PUDP: variants seen among roughly 807,000 people sequenced by gnomAD.
The protein encoded by PUDP is pseudouridine 5'-phosphatase.
A neutral mutation model predicts 9.4 loss-of-function variants in PUDP; 8 were observed. That is an observed-to-expected ratio of 0.85 (90% CI 0.50 to 1.53). The LOEUF (loss-of-function observed/expected upper bound fraction) is 1.53. Ranked by LOEUF, PUDP falls within the 40% of genes most tolerant of loss-of-function variation. The pLI, the probability that PUDP is intolerant of heterozygous loss-of-function variation, is 0.00. For missense variants in PUDP, 188 were observed against 189.7 expected (o/e 0.99, Z 0.05); for synonymous variants, 99 against 80.7 (o/e 1.23, Z -1.22).
rs1602626691 is a variant in PUDP, at chrX:6,803,976, T to C, written c.*248-97510A>G. ...TAATTCGGGGTGGGGGGGATGTTTC[T>C]ATTAGTTTAATATTAAAGTTCATAT... On this transcript the variant is annotated intron_variant and NMD_transcript_variant, in intron 3 of 3. Transcript: ENST00000655425. 2.7e-5 allele frequency among the ~76,000 whole-genome samples: 3 copies of C among 111,722 alleles called. No homozygotes were observed. In the Admixed American group the frequency reaches 2.9e-4, roughly 11 times the overall value.
At chrX:7,083,339 G>C (rs763574739) in intron 2 of PUDP, among the ~76,000 whole-genome samples, 32 of 112,127 alleles carry the variant, frequency 2.9e-4, no homozygotes, top group South Asian at 1.5e-3. Flanking sequence ...TGACAATCCA[G>C]AGAAAAGTGG....
chrX:6,868,185 C>A (rs1049978940), intron 3 of PUDP, among the ~76,000 whole-genome samples: 1 of 111,550 alleles, frequency 9.0e-6, no homozygotes, highest in African/African-American at 3.3e-5. Context: ...CAAACAAGCA[C>A]ATTAGTGTAC....
intron 1 of PUDP, among the ~76,000 whole-genome samples, chrX:6,720,162 A>ATG (rs1342907527): frequency 3.0e-5 from 3 of 100,565 alleles, no homozygotes; most frequent in Non-Finnish European, 5.9e-5. Context: ...GTGTATATAT[A>ATG]TGTGTATATA....
intron 3 of PUDP, among the ~76,000 whole-genome samples, chrX:6,843,627 A>G (rs1926703896): frequency 9.0e-6 from 1 of 111,721 alleles, no homozygotes. Context: ...TCGATGAGCG[A>G]TGGAAGGTGC....
chrX:6,735,812 T>C (rs1454491942), intron 3 of PUDP, among the ~76,000 whole-genome samples: 4 of 110,789 alleles, frequency 3.6e-5, no homozygotes, highest in East Asian at 2.8e-4. Flanking sequence ...ATAGGGAGGA[T>C]TGCTTGAGCT....
chrX:7,128,395 G>T (rs1025902782), intron 1 of PUDP, among the ~76,000 whole-genome samples: 1 of 111,847 alleles, frequency 8.9e-6, no homozygotes, highest in Non-Finnish European at 1.9e-5. Flanking sequence ...TTAGGGAAAA[G>T]AAAGTTTTGA....
chrX:7,063,494 A>G (rs1930462823), intron 3 of PUDP, among the ~76,000 whole-genome samples: 1 of 111,884 alleles, frequency 8.9e-6, no homozygotes, highest in Non-Finnish European at 1.9e-5. Context: ...CTTGACTTTG[A>G]AATGCGTTCA....
At chrX:6,841,366 T>G (rs1483638788) in intron 3 of PUDP, among the ~76,000 whole-genome samples, 1 of 107,859 alleles carries the variant, frequency 9.3e-6, no homozygotes, top group African/African-American at 3.4e-5. Context: ...GTGAGGCGGG[T>G]GGATGAGTTG....
intron 3 of PUDP, among the ~76,000 whole-genome samples, chrX:7,063,198 TAGTCA>T (rs1930455976): frequency 1.8e-5 from 2 of 112,105 alleles, no homozygotes; most frequent in South Asian, 7.5e-4. Context: ...TGATAACAAG[TAGTCA>T]CTGCTGGCCT....
chrX:6,741,806 ATCTC>A (rs745363071), intron 3 of PUDP, among the ~76,000 whole-genome samples: 25,581 of 100,787 alleles, frequency 0.25, 3,246 homozygotes, highest in African/African-American at 0.45. Flanking sequence ...CTCTTTTTAA[ATCTC>A]TCTCTCTCTC....
intron 1 of PUDP, among the ~76,000 whole-genome samples, chrX:7,042,849 G>C (rs1207632146): frequency 8.9e-6 from 1 of 111,796 alleles, no homozygotes; most frequent in Admixed American, 9.5e-5. Flanking sequence ...CATTGACTCT[G>C]TTCTTTCCCT....
intron 3 of PUDP, among the ~76,000 whole-genome samples, chrX:6,750,726 A>G (rs1363597589): frequency 6.2e-5 from 7 of 112,137 alleles, no homozygotes. Context: ...ACTTGTTTCC[A>G]TCAGTGGCAG....
intron 3 of PUDP, among the ~76,000 whole-genome samples, chrX:7,076,914 C>T (rs939788407): frequency 8.9e-6 from 1 of 111,773 alleles, no homozygotes; most frequent in Non-Finnish European, 1.9e-5. Flanking sequence ...TCATTAAAAC[C>T]GCCGCTTCCC....
chrX:7,102,926 G>T (rs1383709453), intron 2 of PUDP, among the ~76,000 whole-genome samples: 1 of 111,657 alleles, frequency 9.0e-6, no homozygotes, highest in Non-Finnish European at 1.9e-5. Flanking sequence ...CTGAAAGAAA[G>T]ACACAAATAA....
chrX:7,117,099 A>C, intron 1 of PUDP: 1 of 1,147,123 alleles, frequency 8.7e-7, no homozygotes, highest in East Asian at 3.3e-5. Flanking sequence ...CCATTTCTTT[A>C]AGGCAATGCA....
At chrX:6,771,868 G>A (rs751783431) in intron 3 of PUDP, among the ~76,000 whole-genome samples, 2 of 112,397 alleles carry the variant, frequency 1.8e-5, no homozygotes, top group African/African-American at 6.5e-5. Context: ...GGCTGTAGCT[G>A]TGTGTCAATA....
intron 3 of PUDP, among the ~76,000 whole-genome samples, chrX:6,916,724 C>T (rs747925010): frequency 6.3e-5 from 7 of 111,300 alleles, no homozygotes; most frequent in African/African-American, 3.3e-5. Flanking sequence ...CTAAACTAAC[C>T]CTGAAAATCC....
chrX:6,862,380 C>A (rs1239311325), intron 3 of PUDP, among the ~76,000 whole-genome samples: 1 of 112,569 alleles, frequency 8.9e-6, no homozygotes, highest in Non-Finnish European at 1.9e-5. Context: ...ATCTCCTACA[C>A]ATTCAGTTCA....
At chrX:7,134,268 T>C (rs1341701708) in intron 1 of PUDP, among the ~76,000 whole-genome samples, 2 of 112,079 alleles carry the variant, frequency 1.8e-5, no homozygotes, top group Non-Finnish European at 3.8e-5. Flanking sequence ...GCTGGTAAAT[T>C]AGATGTCAGC....
Sources: allele counts gnomAD v4.1 joint callset (sites outside exome capture counted in the v4.1 genomes callset), GRCh38; gene constraint gnomAD v4.1.1; transcripts MANE v1.5; gene names NCBI Gene and HGNC (gene_info 2026-07-23, HGNC 2026-07-21).